Variants in KCNQ1 observed in about 807,000 individuals in gnomAD.
KCNQ1 encodes potassium voltage-gated channel subfamily KQT member 1.
Under a neutral mutation model 72.4 loss-of-function variants are expected in KCNQ1, and 49 were observed. The observed-to-expected ratio is 0.68, with a 90% CI of 0.54 to 0.86. The LOEUF (loss-of-function observed/expected upper bound fraction) is 0.86. Ranked by LOEUF, KCNQ1 falls within the 40% of genes least tolerant of loss-of-function variation. KCNQ1 has a pLI of 0.00. For synonymous variants in KCNQ1, 450 were observed against 412.6 expected, an observed-to-expected ratio of 1.09 and a Z score of -1.10; for missense variants, 790 against 945.1, an observed-to-expected ratio of 0.84 and a Z score of 2.15.
At chr11:2,546,186 C>G (rs1847900488) in intron 2 of KCNQ1, among the ~76,000 whole-genome samples, 1 of 151,798 alleles carries the variant, frequency 6.6e-6, no homozygotes, top group African/African-American at 2.4e-5. Flanking sequence ...TTTCTAATTT[C>G]CTTTTTAACT....
At chr11:2,822,700 C>T (rs1032055267) in intron 15 of KCNQ1, among the ~76,000 whole-genome samples, 29 of 152,020 alleles carry the variant, frequency 1.9e-4, no homozygotes, top group Admixed American at 1.5e-3. Context: ...GGGCTGAACA[C>T]GGGCCAAAGG....
At chr11:2,835,394 GACTCACACACAC>G (rs1302833821) in intron 15 of KCNQ1, among the ~76,000 whole-genome samples, 11 of 124,926 alleles carry the variant, frequency 8.8e-5, no homozygotes, top group Admixed American at 3.1e-4. Flanking sequence ...TATAAACCCT[GACTCACACACAC>G]ACACACACAC....
In KCNQ1 at chr11:2,725,341, G is replaced by A. The variant is rs1444116965; in HGVS notation, c.1515-43503G>A. 1.3e-5 allele frequency among the ~76,000 whole-genome samples: 2 copies of A among 152,214 alleles called. No individual in the cohort carries two copies. The highest frequency in any genetic ancestry group is 4.8e-5 in the African/African-American group (2 of 41,460). The stretch of plus-strand genomic sequence containing the variant: ...AAATGTTCCCAGCTTTTTTGAGTTC[G>A]TGAGTGGCTGGTGGATACTTAGTGG... On this transcript the variant is annotated intron_variant, in intron 11 of 15. Transcript: ENST00000155840. The surrounding 1 kb of genome is among the most constrained non-coding windows in gnomAD (Gnocchi z 7.2).
chr11:2,794,410 C>A (rs1210246182), intron 15 of KCNQ1, among the ~76,000 whole-genome samples: 1 of 152,118 alleles, frequency 6.6e-6, no homozygotes, highest in Non-Finnish European at 1.5e-5. Flanking sequence ...CAACCAAAAC[C>A]CCAGTGCTTA....
chr11:2,767,536 T>C lies in KCNQ1; in HGVS notation c.1515-1308T>C, dbSNP rs758025101. Among the ~76,000 whole-genome samples, 4 of 152,322 alleles carry C rather than the reference T, an allele frequency of 2.6e-5. No homozygotes were observed. The highest frequency in any genetic ancestry group is 5.9e-5 in the Non-Finnish European group (4 of 68,030). ...GCCTTTTAGTCTTTCGTGTATAAAA[T>C]TGTAGATGCTCGAGGGTATTATCTC... On this transcript the variant is annotated intron_variant, in intron 11 of 15. Transcript: ENST00000155840. This position sits in a 1 kb window ranked among gnomAD's most constrained non-coding sequence, Gnocchi z 4.6.
chr11:2,618,129 G>C (rs1849099600), intron 10 of KCNQ1: 1 of 398,226 alleles, frequency 2.5e-6, no homozygotes, highest in Non-Finnish European at 4.4e-6. Flanking sequence ...TTTCCCCTAT[G>C]TTTTCTTCTG....
At chr11:2,648,201 T>A (rs1849696885) in intron 10 of KCNQ1, 2 of 334,246 alleles carry the variant, frequency 6.0e-6, no homozygotes, top group Admixed American at 5.5e-5. Flanking sequence ...TGAGACCGTG[T>A]CTCGGGGGGT....
At chr11:2,615,980 T>C (rs193139657) in intron 10 of KCNQ1, 15 of 398,218 alleles carry the variant, frequency 3.8e-5, no homozygotes, top group Middle Eastern at 6.3e-4. Flanking sequence ...AGTGACGCCA[T>C]CTGTGTAGCA....
At position 2,652,107 on chromosome 11, in the gene KCNQ1, G is replaced by C; in HGVS notation, c.1394-9854G>C. 1 of 398,698 alleles carries C rather than the reference G, an allele frequency of 2.5e-6. No homozygotes were observed. The highest frequency in any genetic ancestry group is 4.4e-6 in the Non-Finnish European group (1 of 226,138). 24.7% of individuals were successfully genotyped at this position (398,698 alleles called of 1,614,324 possible). Reference sequence around the variant, plus strand: ...GCCTCTCGGCCCCAGTTCTGGCCTGGCTGGGAGGTGGCCTGGGAAGGGACC... The same window carrying C: ...GCCTCTCGGCCCCAGTTCTGGCCTGCCTGGGAGGTGGCCTGGGAAGGGACC... On this transcript the variant is annotated intron_variant, in intron 10 of 15. Transcript: ENST00000155840. This position sits in a 1 kb window ranked among gnomAD's most constrained non-coding sequence, Gnocchi z 5.9.
At position 2,848,178 on chromosome 11, in the gene KCNQ1, C is replaced by T. The variant is rs1590130750; in HGVS notation, c.*175C>T. On this transcript the variant is annotated 3_prime_UTR_variant, in exon 16 of 16. Transcript: ENST00000155840. Reference sequence around the variant, plus strand: ...CTGGCACAGCCTGCACTTGGGGGCTCAGCAAGGCCACCTCTTCCTGGCCGG... The same window carrying T: ...CTGGCACAGCCTGCACTTGGGGGCTTAGCAAGGCCACCTCTTCCTGGCCGG... The T allele has an allele frequency of 1.4e-6, 1 of 712,608 alleles. No individual in the cohort carries two copies. Among genetic ancestry groups the T allele is most frequent in the East Asian group, 2.7e-5 (1 of 37,110 alleles). 44.1% of individuals were successfully genotyped at this position (712,608 alleles called of 1,614,324 possible).
At chr11:2,680,077 A>G (rs1487544126) in intron 11 of KCNQ1, 2 of 395,492 alleles carry the variant, frequency 5.1e-6, no homozygotes, top group Non-Finnish European at 4.4e-6. Context: ...TTTTTATTAG[A>G]GACAGGGTTT....
chr11:2,521,633 G>A lies in KCNQ1; in HGVS notation c.387-6295G>A, dbSNP rs937371443. Reference sequence around the variant, plus strand: ...TAAGGGCACCCCTTGAGCTGCCCACGTGTCTTTGCACGTGAAGTAGGTGGC... The same window carrying A: ...TAAGGGCACCCCTTGAGCTGCCCACATGTCTTTGCACGTGAAGTAGGTGGC... On this transcript the variant is annotated intron_variant, in intron 1 of 15. Transcript: ENST00000155840. The A allele has an allele frequency of 3.7e-5, 16 of 434,194 alleles. 1 individual carries two copies. Among genetic ancestry groups the A allele is most frequent in the Admixed American group, 1.6e-4 (6 of 38,286 alleles). The allele number at this position is 434,194 out of a possible 1,614,324, so 26.9% of individuals were successfully genotyped here.
At position 2,783,646 on chromosome 11, in the gene KCNQ1, T is replaced by A. The variant is rs191876330; in HGVS notation, c.1794+5609T>A. On this transcript the variant is annotated intron_variant, in intron 15 of 15. Transcript: ENST00000155840. This position sits in a 1 kb window ranked among gnomAD's most constrained non-coding sequence, Gnocchi z 5.2. ...CCAGTAAAGTATAAAGGTTCCACTT[T>A]CTCCACAGCCTTGCAAATACATGGT... is the stretch of plus-strand genomic sequence containing the variant. Among the ~76,000 whole-genome samples, 1 of 152,086 alleles carries A rather than the reference T, an allele frequency of 6.6e-6. No homozygotes were observed.
At chr11:2,456,729 G>A (rs1846195417) in intron 1 of KCNQ1, among the ~76,000 whole-genome samples, 1 of 145,928 alleles carries the variant, frequency 6.9e-6, no homozygotes, top group Non-Finnish European at 1.5e-5. Context: ...AGACCATCCT[G>A]GCTAACATGG....
intron 6 of KCNQ1, among the ~76,000 whole-genome samples, chr11:2,577,409 C>G (rs1239364248): frequency 6.6e-6 from 1 of 152,200 alleles, no homozygotes. Flanking sequence ...GACACAGTCA[C>G]CTGGGCCACC....
intron 6 of KCNQ1, among the ~76,000 whole-genome samples, chr11:2,577,762 G>A (rs1205893317): frequency 1.3e-5 from 2 of 152,078 alleles, no homozygotes; most frequent in Non-Finnish European, 2.9e-5. Flanking sequence ...TCTCCAGGGC[G>A]GCCCCACGGG....
At position 2,536,772 on chromosome 11, in the gene KCNQ1, A is replaced by G. The variant is rs1004264143; in HGVS notation, c.477+8754A>G. Among the ~76,000 whole-genome samples the G allele has an allele frequency of 6.6e-6, 1 of 150,962 alleles. No individual in the cohort carries two copies. The highest frequency in any genetic ancestry group is 2.5e-5 in the African/African-American group (1 of 40,280). On this transcript the variant is annotated intron_variant, in intron 2 of 15. Transcript: ENST00000155840. This position sits in a 1 kb window ranked among gnomAD's most constrained non-coding sequence, Gnocchi z 7.4. ...CCTGGGCTGCGTGATGGGGGACCCCAGGCTGGGCGGCTTAAACCGTGGAGG... is the reference window on the plus strand; with the variant it reads ...CCTGGGCTGCGTGATGGGGGACCCCGGGCTGGGCGGCTTAAACCGTGGAGG...
intron 15 of KCNQ1, among the ~76,000 whole-genome samples, chr11:2,840,844 G>A (rs1167281599): frequency 6.6e-6 from 1 of 152,140 alleles, no homozygotes; most frequent in East Asian, 1.9e-4. Context: ...GAGTGGGCTT[G>A]GGGGGCTTCT....
At position 2,654,349 on chromosome 11, in the gene KCNQ1, GA is replaced by G. The variant is rs1849803813; in HGVS notation, c.1394-7611del. The G allele has an allele frequency of 2.5e-6, 1 of 398,608 alleles. No individual in the cohort carries two copies. Among genetic ancestry groups the G allele is most frequent in the South Asian group, 1.3e-4 (1 of 7,862 alleles). The allele number at this position is 398,608 out of a possible 1,614,324, so 24.7% of individuals were successfully genotyped here. On this transcript the variant is annotated intron_variant, in intron 10 of 15. Transcript: ENST00000155840. This position sits in a 1 kb window ranked among gnomAD's most constrained non-coding sequence, Gnocchi z 6.4. Reference sequence around the variant, plus strand: ...GGGGCTTCTACTTGCAAAGGATAGGGAGAGCTTCTGTTCATCCTTGTGAAGT... The same window carrying G: ...GGGGCTTCTACTTGCAAAGGATAGGGGAGCTTCTGTTCATCCTTGTGAAGT...
Sources: allele counts gnomAD v4.1 joint callset (sites outside exome capture counted in the v4.1 genomes callset), GRCh38; gene constraint gnomAD v4.1.1; non-coding constraint Gnocchi (gnomAD v3.1); transcripts MANE v1.5; gene names NCBI Gene and HGNC (gene_info 2026-07-23, HGNC 2026-07-21).